SLC35D4: variants seen among roughly 807,000 people sequenced by gnomAD.
SLC35D4 encodes the protein UDP-N-acetylglucosamine transporter SLC35D4.
the SLC35D4 span, among the ~76,000 whole-genome samples, chr18:23,312,325 A>G: frequency 2.4e-4 from 36 of 152,226 alleles, no homozygotes; most frequent in Non-Finnish European, 4.6e-4. Flanking sequence ...TTTTGCCAAA[A>G]AAAACACATC....
chr18:23,283,723 C>T, the SLC35D4 span, among the ~76,000 whole-genome samples: 2 of 151,278 alleles, frequency 1.3e-5, no homozygotes, highest in Admixed American at 1.3e-4. Flanking sequence ...GCAGGAGAAT[C>T]ACTTGAGCCT....
the SLC35D4 span, among the ~76,000 whole-genome samples, chr18:23,396,454 C>A: frequency 6.6e-6 from 1 of 152,108 alleles, no homozygotes; most frequent in African/African-American, 2.4e-5. Flanking sequence ...AAACAAAGAA[C>A]TCAGAAACAA....
chr18:23,382,438 G>A, the SLC35D4 span, among the ~76,000 whole-genome samples: 264 of 152,094 alleles, frequency 1.7e-3, 1 homozygote, highest in African/African-American at 5.8e-3. Flanking sequence ...GAACCACCAC[G>A]TGGTTCCTGC....
the SLC35D4 span, among the ~76,000 whole-genome samples, chr18:23,382,074 A>G: frequency 6.6e-6 from 1 of 151,892 alleles, no homozygotes; most frequent in South Asian, 2.1e-4. Context: ...CCCCATCTCT[A>G]CTAAAAATAC....
the SLC35D4 span, among the ~76,000 whole-genome samples, chr18:23,264,986 A>T: frequency 6.6e-6 from 1 of 152,152 alleles, no homozygotes; most frequent in African/African-American, 2.4e-5. Flanking sequence ...TTCACTCACT[A>T]TCGTGAGGAC....
the SLC35D4 span, among the ~76,000 whole-genome samples, chr18:23,345,263 C>T: frequency 6.6e-6 from 1 of 151,882 alleles, no homozygotes; most frequent in Admixed American, 6.6e-5. Context: ...GTGGGCGGAT[C>T]GCTAGGTCAG....
chr18:23,245,168 G>T, the SLC35D4 span, among the ~76,000 whole-genome samples: 8 of 152,128 alleles, frequency 5.3e-5, no homozygotes, highest in Non-Finnish European at 1.2e-4. Flanking sequence ...TTCCATGGAG[G>T]CCCCTTCCCT....
At chr18:23,346,192 G>A in the SLC35D4 span, among the ~76,000 whole-genome samples, 8 of 152,198 alleles carry the variant, frequency 5.3e-5, no homozygotes, top group Admixed American at 3.3e-4. Flanking sequence ...CTGGAGTGCA[G>A]TGGTGACAAT....
the SLC35D4 span, among the ~76,000 whole-genome samples, chr18:23,295,247 A>G: frequency 6.6e-6 from 1 of 151,804 alleles, no homozygotes; most frequent in South Asian, 2.1e-4. Flanking sequence ...ATTAGGAAAA[A>G]TAGCCAATGC....
the SLC35D4 span, among the ~76,000 whole-genome samples, chr18:23,327,499 G>A: frequency 6.6e-6 from 1 of 152,098 alleles, no homozygotes; most frequent in Non-Finnish European, 1.5e-5. Context: ...GACTAAACCA[G>A]GAAGAAGTTG....
the SLC35D4 span, among the ~76,000 whole-genome samples, chr18:23,319,001 G>A: frequency 6.6e-6 from 1 of 151,506 alleles, no homozygotes; most frequent in African/African-American, 2.4e-5. Flanking sequence ...ATGCCACCAT[G>A]CCTGGCTAAT....
chr18:23,291,246 G>C, the SLC35D4 span, among the ~76,000 whole-genome samples: 1 of 152,170 alleles, frequency 6.6e-6, no homozygotes. Flanking sequence ...GACAGGGGAG[G>C]GGCTCAGAGA....
At chr18:23,302,137 G>C in the SLC35D4 span, among the ~76,000 whole-genome samples, 17 of 152,268 alleles carry the variant, frequency 1.1e-4, no homozygotes, top group African/African-American at 3.9e-4. Flanking sequence ...CCTGGTGGGA[G>C]AGATGGCGCC....
At chr18:23,246,850 G>A in the SLC35D4 span, among the ~76,000 whole-genome samples, 3 of 150,024 alleles carry the variant, frequency 2.0e-5, no homozygotes, top group Admixed American at 6.6e-5. Context: ...GCACCACCAC[G>A]CCCAGCTAAT....
At chr18:23,337,747 G>A in the SLC35D4 span, among the ~76,000 whole-genome samples, 5 of 152,176 alleles carry the variant, frequency 3.3e-5, no homozygotes. Context: ...TGTGGCAATA[G>A]ATCAAGACAC....
chr18:23,314,467 G>A, the SLC35D4 span, among the ~76,000 whole-genome samples: 1 of 152,092 alleles, frequency 6.6e-6, no homozygotes, highest in East Asian at 1.9e-4. Flanking sequence ...CCCTGGGGGG[G>A]GCTACTAAGT....
At chr18:23,418,392 G>C in the SLC35D4 span, among the ~76,000 whole-genome samples, 11 of 129,588 alleles carry the variant, frequency 8.5e-5, no homozygotes, top group Admixed American at 8.4e-4. Context: ...TATTTTTTGA[G>C]ACAGGGTCTC....
At chr18:23,248,614 G>GGCC in the SLC35D4 span, among the ~76,000 whole-genome samples, 214 of 150,156 alleles carry the variant, frequency 1.4e-3, 1 homozygote, top group African/African-American at 5.1e-3. Flanking sequence ...GATCACTTGA[G>GGCC]GCCAGGAGTT....
the SLC35D4 span, among the ~76,000 whole-genome samples, chr18:23,247,620 G>A: frequency 1.3e-5 from 2 of 152,200 alleles, no homozygotes; most frequent in Admixed American, 1.3e-4. Flanking sequence ...GCAAACGGAG[G>A]CACAGAGCTC....
Sources: allele counts gnomAD v4.1 joint callset (sites outside exome capture counted in the v4.1 genomes callset), GRCh38; gene constraint gnomAD v4.1.1; transcripts MANE v1.5; gene names NCBI Gene and HGNC (gene_info 2026-07-23, HGNC 2026-07-21).